Variants in ERGIC3 observed in about 807,000 individuals in gnomAD.
ERGIC3 encodes the protein ERGIC and golgi 3, also known as endoplasmic reticulum-Golgi intermediate compartment protein 3.
A neutral mutation model predicts 54.7 loss-of-function variants in ERGIC3; 33 were observed. The ratio of observed to expected loss-of-function variants is 0.60; its 90% CI spans 0.46 to 0.81. The LOEUF (loss-of-function observed/expected upper bound fraction) is 0.81, where lower values mean the gene tolerates loss of function less well. Among genes scored for constraint, ERGIC3 ranks in the 30% least tolerant of loss-of-function variants. The pLI is 0.00. For missense variants in ERGIC3, 399 were observed against 488.4 expected (o/e 0.82, Z 1.73); for synonymous variants, 186 against 189.8 (o/e 0.98, Z 0.16).
intron 4 of ERGIC3, chr20:35,543,311 C>T: frequency 3.0e-6 from 1 of 338,354 alleles, no homozygotes; most frequent in Non-Finnish European, 5.8e-6. Flanking sequence ...GCCCTTAATG[C>T]TCTTCCCCTT....
chr20:35,554,417 C>T, intron 7 of ERGIC3: 1 of 1,613,784 alleles, frequency 6.2e-7, no homozygotes, highest in Non-Finnish European at 8.5e-7. Context: ...GGAGGCCAAA[C>T]CCCTACTTCT....
At chr20:35,556,504 T>G (rs973567212) in intron 10 of ERGIC3, 5 of 565,260 alleles carry the variant, frequency 8.8e-6, no homozygotes, top group Middle Eastern at 4.7e-4. Context: ...TATCCGTTCC[T>G]CCGGTGCCCA....
chr20:35,543,594 A>C, intron 4 of ERGIC3: 2 of 471,102 alleles, frequency 4.2e-6, no homozygotes, highest in Non-Finnish European at 8.8e-6. Flanking sequence ...ACTGTCCTCA[A>C]AGCTGGGATT....
At chr20:35,551,160 G>A (rs759360050) in intron 7 of ERGIC3, among the ~76,000 whole-genome samples, 27 of 152,204 alleles carry the variant, frequency 1.8e-4, no homozygotes, top group East Asian at 5.8e-4. Flanking sequence ...CGGGCGTAGC[G>A]GCGTGCGCCT....
chr20:35,553,020 A>ATTTTTTTTTTTTTTTTTTTTTT lies in ERGIC3; in HGVS notation c.686-2017_686-1996dup, dbSNP rs141438822. Among the ~76,000 whole-genome samples, 73 of 41,562 alleles carry ATTTTTTTTTTTTTTTTTTTTTT rather than the reference A, an allele frequency of 1.8e-3. 29 individuals are homozygous for ATTTTTTTTTTTTTTTTTTTTTT. Among genetic ancestry groups the ATTTTTTTTTTTTTTTTTTTTTT allele is most frequent in the Admixed American group, 3.2e-3 (7 of 2,214 alleles). The allele number at this position is 41,562 out of a possible 152,430, so 27.3% of individuals were successfully genotyped here. A position where few individuals can be genotyped will look rare whatever the true frequency, so the allele number is the denominator to read the frequency against. Reference sequence around the variant, plus strand: ...TTTGCCCTGAGCTTCAAAGCTGGGGATTTTTTTTTTTTTTTTTTTTTTTTT... The same window carrying ATTTTTTTTTTTTTTTTTTTTTT: ...TTTGCCCTGAGCTTCAAAGCTGGGGATTTTTTTTTTTTTTTTTTTTTTTTTTTTTTTTTTTTTTTTTTTTTTT... On this transcript the variant is annotated intron_variant, in intron 7 of 12. Transcript: ENST00000348547.
intron 4 of ERGIC3, 115 bp downstream of exon 4, chr20:35,543,056 G>A: frequency 6.7e-7 from 1 of 1,502,068 alleles, no homozygotes; most frequent in Non-Finnish European, 9.1e-7. Context: ...AAGAGCTAGA[G>A]AAGTCAAGTG....
chr20:35,553,345 A>C (rs902169837), intron 7 of ERGIC3, among the ~76,000 whole-genome samples: 10 of 151,930 alleles, frequency 6.6e-5, no homozygotes, highest in Non-Finnish European at 1.3e-4. Flanking sequence ...GGAGCAAGAA[A>C]GACTTCTCTT....
rs1244163827 is a variant in ERGIC3 at position 35,555,733 on chromosome 20, G to A, written c.718-300G>A. 4.7e-5 allele frequency among the ~76,000 whole-genome samples: 7 copies of A among 150,500 alleles called. 1 individual carries two copies. Among genetic ancestry groups the A allele is most frequent in the African/African-American group, 1.5e-4 (6 of 40,720 alleles). ...CTCAGGAGGCTGAGGCAAGAGAATC[G>A]CTTGAATAAGGCGAGGCTGCAGTGA... On this transcript the variant is annotated intron_variant, in intron 8 of 12. Transcript: ENST00000348547.
At chr20:35,547,055 T>C (rs946159353) in intron 4 of ERGIC3, among the ~76,000 whole-genome samples, 3 of 152,168 alleles carry the variant, frequency 2.0e-5, no homozygotes, top group Admixed American at 6.6e-5. Flanking sequence ...CTCGGTTGCA[T>C]TGGGCAAAGT....
At chr20:35,557,272 G>A (rs774948658) in intron 12 of ERGIC3, 23 bp downstream of exon 12, 6 of 1,614,058 alleles carry the variant, frequency 3.7e-6, no homozygotes, top group Non-Finnish European at 8.5e-7. Flanking sequence ...GGGCGTCTGT[G>A]AGCTGTGGGG....
intron 7 of ERGIC3, among the ~76,000 whole-genome samples, chr20:35,551,672 G>C (rs1008413333): frequency 6.6e-6 from 1 of 152,242 alleles, no homozygotes; most frequent in South Asian, 2.1e-4. Context: ...GACTGGAGGA[G>C]GAGTGTAAGC....
chr20:35,542,513 G>A lies in ERGIC3; in HGVS notation c.160G>A (p.Val54Met). The A allele has an allele frequency of 6.2e-7, 1 of 1,614,012 alleles. No individual in the cohort carries two copies. The highest frequency in any genetic ancestry group is 8.5e-7 in the Non-Finnish European group (1 of 1,180,016). Residue 54 changes from valine to methionine, a missense_variant and splice_region_variant, in exon 3 of 13, where the codon GTG (valine) becomes ATG (methionine). Val to Met is a conservative substitution (Grantham distance 21). Coordinates refer to ENST00000348547, the MANE Select transcript of ERGIC3 (RefSeq NM_015966.3). ...TCTTACTGAGGTAGCGCTGCCCCAG[G>A]TGCATCCTGAGCTCTACGTGGACAA... The part of the protein sequence containing the change: ...SELQYYLTTE[V>M]HPELYVDKSR...
intron 7 of ERGIC3, among the ~76,000 whole-genome samples, chr20:35,550,950 G>C (rs774291678): frequency 2.6e-5 from 4 of 152,174 alleles, no homozygotes; most frequent in Non-Finnish European, 5.9e-5. Context: ...AAGAGTTCCT[G>C]ATGGGCATGA....
chr20:35,550,447 C>T (rs900154831), intron 7 of ERGIC3, among the ~76,000 whole-genome samples: 8 of 152,012 alleles, frequency 5.3e-5, no homozygotes, highest in Admixed American at 2.0e-4. Context: ...GAAACCCTGT[C>T]TCTACCAAAA....
chr20:35,557,402 G>A (rs748246402), intron 12 of ERGIC3, 23 bp from the exon 13 acceptor site: 13 of 1,612,968 alleles, frequency 8.1e-6, no homozygotes, highest in Non-Finnish European at 1.1e-5. Context: ...CTGGGCCAGT[G>A]CCAGCCCTTG....
chr20:35,556,881 A>G (rs779432951), intron 10 of ERGIC3, 92 bp from the exon 11 acceptor site: 2 of 1,571,548 alleles, frequency 1.3e-6, no homozygotes, highest in Non-Finnish European at 1.7e-6. Context: ...GCCAAGGCTC[A>G]ACAGGAAAGG....
chr20:35,542,244 C>A (rs888142379), intron 1 of ERGIC3, 59 bp downstream of exon 1: 18 of 1,609,496 alleles, frequency 1.1e-5, no homozygotes, highest in Admixed American at 5.0e-5. Flanking sequence ...TTAGCCCGGG[C>A]TCCTGGACTC....
chr20:35,542,998 T>C lies in ERGIC3; in HGVS notation c.367+57T>C, dbSNP rs748061785. ...CCAAAGCTGGATGTACCCAAGCCTA[T>C]CTGCTAGCAAGTGAACTGTGGCAGG... On this transcript the variant is annotated intron_variant, in intron 4 of 12. Transcript: ENST00000348547. 1.6e-5 allele frequency: 25 copies of C among 1,610,122 alleles called. No homozygotes were observed. The Admixed American group carries it at 4.0e-4, about 26-fold the overall frequency.
chr20:35,556,397 GCA>G, intron 10 of ERGIC3, 126 bp downstream of exon 10: 1 of 1,015,260 alleles, frequency 9.8e-7, no homozygotes, highest in Non-Finnish European at 1.5e-6. Context: ...AAAGACTGAG[GCA>G]CAGAGAGGGT....
Sources: gnomAD v4.1 joint callset for allele counts (sites outside exome capture counted in the v4.1 genomes callset) on GRCh38, gnomAD v4.1.1 for gene constraint, MANE v1.5 for transcripts, NCBI Gene and HGNC (gene_info 2026-07-23, HGNC 2026-07-21) for gene names.